Variants in RBM17 observed in about 807,000 individuals in gnomAD.
RBM17 encodes the protein splicing factor 45.
RBM17 carries 7 observed loss-of-function variants against 53.2 expected under a neutral mutation model. The observed-to-expected ratio is 0.13, with a 90% CI of 0.07 to 0.25. The LOEUF (loss-of-function observed/expected upper bound fraction) is 0.25, where lower values mean the gene tolerates loss of function less well. Among genes scored for constraint, RBM17 ranks in the 10% least tolerant of loss-of-function variants. RBM17 has a pLI of 1.00. For synonymous variants in RBM17, 167 were observed against 178.1 expected (o/e 0.94, Z 0.50); for missense variants, 257 against 496.7 (o/e 0.52, Z 4.59).
At chr10:6,090,059 T>G (rs1037740821) in intron 1 of RBM17, 9 of 152,342 alleles carry the variant, frequency 5.9e-5, no homozygotes, top group African/African-American at 1.9e-4. Flanking sequence ...CCGTAGTGCG[T>G]TCTGGAAGCT....
Position 6,112,479 on chromosome 10 carries a change from G to A in RBM17, c.856+118G>A, listed in dbSNP as rs1309454810. 8.1e-7 allele frequency: 1 copy of A among 1,237,496 alleles called. No homozygotes were observed. The highest frequency in any genetic ancestry group is 1.2e-6 in the Non-Finnish European group (1 of 860,770). 76.7% of individuals were successfully genotyped at this position (1,237,496 alleles called of 1,614,324 possible). On this transcript the variant is annotated intron_variant, in intron 8 of 11. Coordinates refer to ENST00000379888, the MANE Select transcript of RBM17 (RefSeq NM_032905.5). This position sits in a 1 kb window ranked among gnomAD's most constrained non-coding sequence, Gnocchi z 4.4. ...GGACAATGAGGCGTGTGGCCAGAGG[G>A]AGAGGGCTGGCCCTGCCATCACTAG...
At position 6,114,132 on chromosome 10, in the gene RBM17, A is replaced by G; in HGVS notation, c.1014A>G (p.Lys338=). ...GTGAAAAATATGGCAAAGTTGGAAA[A>G]TGTGTGATATTTGAAGTAAGAGTGT... is the stretch of plus-strand genomic sequence containing the variant. ...EECEKYGKVG[K]CVIFEIPGAP... is the part of the protein sequence containing the mutation. The change falls in exon 10 of 12, where the codon AAA becomes AAG. Residue 338 remains lysine (K), a synonymous_variant. Coordinates refer to ENST00000379888, the MANE Select transcript of RBM17 (RefSeq NM_032905.5). The G allele has an allele frequency of 6.2e-7, 1 of 1,605,450 alleles. No individual in the cohort carries two copies. Among genetic ancestry groups the G allele is most frequent in the South Asian group, 1.1e-5 (1 of 90,680 alleles).
intron 4 of RBM17, among the ~76,000 whole-genome samples, chr10:6,105,358 A>C (rs1840733873): frequency 6.6e-6 from 1 of 152,154 alleles, no homozygotes; most frequent in African/African-American, 2.4e-5. Flanking sequence ...TGATGTTGAA[A>C]ATTTTTTTCT....
chr10:6,097,242 T>C, intron 2 of RBM17, 54 bp downstream of exon 2: 1 of 1,580,360 alleles, frequency 6.3e-7, no homozygotes, highest in Non-Finnish European at 8.6e-7. Context: ...GGTTCCTCAT[T>C]AGGATGACAA....
intron 3 of RBM17, among the ~76,000 whole-genome samples, chr10:6,103,300 A>AT (rs1840697300): frequency 6.6e-6 from 1 of 152,092 alleles, no homozygotes; most frequent in Non-Finnish European, 1.5e-5. Context: ...TAACATTTTA[A>AT]TTTTTTTAAA....
At chr10:6,106,870 C>T (rs1840756525) in intron 5 of RBM17, among the ~76,000 whole-genome samples, 1 of 152,092 alleles carries the variant, frequency 6.6e-6, no homozygotes, top group Non-Finnish European at 1.5e-5. Flanking sequence ...TAGTGGCATG[C>T]CCATCATATG....
intron 7 of RBM17, among the ~76,000 whole-genome samples, chr10:6,110,897 C>A (rs560828152): frequency 6.6e-6 from 1 of 152,272 alleles, no homozygotes; most frequent in East Asian, 1.9e-4. Flanking sequence ...TAGGACATGG[C>A]CGTGGCTGCA....
chr10:6,113,719 T>C, intron 9 of RBM17, 138 bp downstream of exon 9: 1 of 657,198 alleles, frequency 1.5e-6, no homozygotes, highest in South Asian at 1.8e-5. Flanking sequence ...CACGTAAGGC[T>C]GATTTTAGAT....
rs1840848730 is a variant in RBM17, at chr10:6,112,181, A to G, written c.705-29A>G. 1 of 1,605,032 alleles carries G rather than the reference A, an allele frequency of 6.2e-7. No individual in the cohort carries two copies. The highest frequency in any genetic ancestry group is 8.5e-7 in the Non-Finnish European group (1 of 1,178,600). On this transcript the variant is annotated intron_variant, in intron 7 of 11. Coordinates refer to ENST00000379888, the MANE Select transcript of RBM17 (RefSeq NM_032905.5). This position sits in a 1 kb window ranked among gnomAD's most constrained non-coding sequence, Gnocchi z 4.4. The stretch of plus-strand genomic sequence containing the variant: ...ATCTCCAGTTGACGATGTCAAGGCT[A>G]AGAGTCCTTTCCCTTCTTCTCCTGC...
intron 10 of RBM17, chr10:6,114,904 T>TAA (rs2132956993): frequency 4.1e-6 from 1 of 245,430 alleles, no homozygotes; most frequent in East Asian, 9.2e-5. Context: ...CCAGCCTTTT[T>TAA]AATCTGAAAG....
chr10:6,102,185 A>G (rs1054949964), intron 3 of RBM17, among the ~76,000 whole-genome samples: 1 of 152,212 alleles, frequency 6.6e-6, no homozygotes, highest in Non-Finnish European at 1.5e-5. Context: ...ATTGCACAAA[A>G]CCGCTTGATG....
intron 1 of RBM17, among the ~76,000 whole-genome samples, chr10:6,092,363 G>T (rs188971891): frequency 3.9e-5 from 6 of 152,216 alleles, no homozygotes; most frequent in Non-Finnish European, 5.9e-5. Context: ...GCGGTGGGGA[G>T]AATTAATGAA....
chr10:6,100,534 C>T (rs1840655146), intron 2 of RBM17, among the ~76,000 whole-genome samples: 1 of 152,034 alleles, frequency 6.6e-6, no homozygotes, highest in South Asian at 2.1e-4. Context: ...CAGCATTTTA[C>T]AAGATAGTGT....
At chr10:6,110,731 A>G (rs1840824769) in intron 7 of RBM17, among the ~76,000 whole-genome samples, 1 of 152,238 alleles carries the variant, frequency 6.6e-6, no homozygotes, top group African/African-American at 2.4e-5. Context: ...GCAGTATCAC[A>G]TGAAGGCTTT....
intron 1 of RBM17, among the ~76,000 whole-genome samples, chr10:6,091,503 T>G (rs985410536): frequency 3.3e-5 from 5 of 152,152 alleles, no homozygotes; most frequent in African/African-American, 1.2e-4. Flanking sequence ...GGTTGTGTGG[T>G]GGTGGTAGTT....
At chr10:6,094,085 C>T (rs1330746217) in intron 1 of RBM17, among the ~76,000 whole-genome samples, 4 of 151,858 alleles carry the variant, frequency 2.6e-5, no homozygotes, top group African/African-American at 9.7e-5. Context: ...CGCCATTCTC[C>T]CGCCTCAGCC....
chr10:6,113,285 T>C (rs1840866635), intron 8 of RBM17: 1 of 417,040 alleles, frequency 2.4e-6, no homozygotes, highest in Non-Finnish European at 4.3e-6. Context: ...GCTCAAAACA[T>C]CCAGATGCTA....
chr10:6,101,467 A>G (rs1365778154), intron 3 of RBM17, 80 bp downstream of exon 3: 1 of 729,980 alleles, frequency 1.4e-6, no homozygotes, highest in Non-Finnish European at 2.2e-6. Context: ...TACTCTTAAC[A>G]GATGGCCTCC....
chr10:6,095,425 C>G (rs1204837578), intron 1 of RBM17, among the ~76,000 whole-genome samples: 1 of 152,092 alleles, frequency 6.6e-6, no homozygotes, highest in East Asian at 1.9e-4. Context: ...GTTGGCCAGG[C>G]TGATCTCTTA....
Sources: allele counts gnomAD v4.1 joint callset (sites outside exome capture counted in the v4.1 genomes callset), GRCh38; gene constraint gnomAD v4.1.1; non-coding constraint Gnocchi (gnomAD v3.1); transcripts MANE v1.5; gene names NCBI Gene and HGNC (gene_info 2026-07-23, HGNC 2026-07-21).